Variants in SIPA1L2 observed in about 807,000 individuals in gnomAD.
SIPA1L2 encodes signal induced proliferation associated 1 like 2, also known as signal-induced proliferation-associated 1-like protein 2.
A neutral mutation model predicts 163.9 loss-of-function variants in SIPA1L2; 56 were observed. The observed-to-expected ratio is 0.34, with a 90% CI of 0.28 to 0.43. SIPA1L2 has a LOEUF of 0.43. Ranked by LOEUF, SIPA1L2 falls within the 20% of genes least tolerant of loss-of-function variation. The probability of loss-of-function intolerance (pLI) is 1.00; values close to 1 mark genes in which losing one functional copy is unlikely to be tolerated. For missense variants in SIPA1L2, 1,974 were observed against 2,193.5 expected (o/e 0.90, Z 2.00); for synonymous variants, 877 against 865.7 (o/e 1.01, Z -0.23).
intron 2 of SIPA1L2, among the ~76,000 whole-genome samples, chr1:232,535,144 A>G: frequency 6.6e-6 from 1 of 152,220 alleles, no homozygotes; most frequent in East Asian, 1.9e-4. Context: ...TAGTCCAAAG[A>G]AAGATAAAAG....
chr1:232,457,743 T>C (rs1434994802), intron 10 of SIPA1L2, among the ~76,000 whole-genome samples: 2 of 152,182 alleles, frequency 1.3e-5, no homozygotes, highest in African/African-American at 2.4e-5. Context: ...CTACAGTTTC[T>C]TAACAAATCT....
In SIPA1L2 at chr1:232,517,438, C is replaced by A. The variant is rs555287256; in HGVS notation, c.-269-1830G>T. The stretch of plus-strand genomic sequence containing the variant: ...ACCGGCATCTCCTCACACTTGTAAC[C>A]TATTCACCACGCTCCACAGGGAAGC... On this transcript the variant is annotated intron_variant, in intron 2 of 22. Transcript: ENST00000674635. 2.0e-5 allele frequency among the ~76,000 whole-genome samples: 3 copies of A among 152,288 alleles called. No individual in the cohort carries two copies. The South Asian group carries it at 6.2e-4, about 32-fold the overall frequency.
intron 9 of SIPA1L2, among the ~76,000 whole-genome samples, chr1:232,463,006 T>C (rs1246457881): frequency 6.6e-6 from 1 of 152,190 alleles, no homozygotes; most frequent in African/African-American, 2.4e-5. Flanking sequence ...ACGAAAATTG[T>C]AGTCTCCAAG....
chr1:232,458,127 G>C (rs1347000100), intron 10 of SIPA1L2, among the ~76,000 whole-genome samples: 1 of 151,966 alleles, frequency 6.6e-6, no homozygotes, highest in East Asian at 1.9e-4. Flanking sequence ...TAATCCTTCT[G>C]GCTAAGGTTA....
chr1:232,480,155 G>A (rs1032011031), intron 6 of SIPA1L2, among the ~76,000 whole-genome samples: 1 of 31,066 alleles, frequency 3.2e-5, no homozygotes, highest in Non-Finnish European at 6.8e-5. Flanking sequence ...GTGTGTGTGC[G>A]TGTGTGTGTG....
chr1:232,430,735 C>A (rs148101749), intron 16 of SIPA1L2, among the ~76,000 whole-genome samples: 1 of 152,164 alleles, frequency 6.6e-6, no homozygotes, highest in East Asian at 1.9e-4. Context: ...CGGCCTCTTG[C>A]GATAACCAGT....
At chr1:232,505,809 G>A (rs10910546) in intron 3 of SIPA1L2, among the ~76,000 whole-genome samples, 53,485 of 152,050 alleles carry the variant, frequency 0.35, 10,077 homozygotes, top group Non-Finnish European at 0.42. Context: ...GAAGAACTCA[G>A]CCGATTATGT....
chr1:232,444,431 T>G (rs1204955338), intron 11 of SIPA1L2, among the ~76,000 whole-genome samples: 1 of 152,176 alleles, frequency 6.6e-6, no homozygotes, highest in Non-Finnish European at 1.5e-5. Flanking sequence ...TCTTTGAATA[T>G]GGGAAAGTTA....
rs776294200 is a variant in SIPA1L2, at chr1:232,471,539, G to A, written c.2086-11C>T. 1.3e-6 allele frequency: 2 copies of A among 1,592,638 alleles called. No homozygotes were observed. Among genetic ancestry groups the A allele is most frequent in the Non-Finnish European group, 1.7e-6 (2 of 1,172,424 alleles). On this transcript the variant is annotated splice_polypyrimidine_tract_variant and intron_variant, in intron 7 of 22. Transcript: ENST00000674635. ...CCTTTTCCTCAGTAGCTGTGGTCAA[G>A]AAAGTGAAGAGTTACAAATAAGTTT...
rs987455494 is a variant in SIPA1L2 at position 232,483,943 on chromosome 1, C to A, written c.1830G>T (p.Gly610=). 6.2e-7 allele frequency: 1 copy of A among 1,611,874 alleles called. No homozygotes were observed. The highest frequency in any genetic ancestry group is 1.3e-5 in the African/African-American group (1 of 74,806). The change falls in exon 6 of 23, where the codon GGG becomes GGT. Residue 610 remains glycine (G), a synonymous_variant. Coordinates refer to ENST00000674635, the MANE Select transcript of SIPA1L2 (RefSeq NM_020808.5). ...EQGLSFQHKI[G]ILYCKAGQST... is the part of the protein sequence containing the mutation. ...TCTGGCCTGCTTTGCAATAAAGGAT[C>A]CCGATCTTGTGCTGAAAGCTCAGCT... is the stretch of plus-strand genomic sequence containing the variant.
intron 4 of SIPA1L2, among the ~76,000 whole-genome samples, 178 bp downstream of exon 4, chr1:232,493,349 T>C (rs1219313883): frequency 6.6e-6 from 1 of 152,208 alleles, no homozygotes; most frequent in African/African-American, 2.4e-5. Context: ...CCATGGCATG[T>C]TTCCAAATTT....
intron 10 of SIPA1L2, among the ~76,000 whole-genome samples, chr1:232,454,650 T>C (rs1663790083): frequency 6.6e-6 from 1 of 152,164 alleles, no homozygotes; most frequent in Admixed American, 6.5e-5. Flanking sequence ...CTGTCAAGCA[T>C]GAGATGGTTA....
At chr1:232,452,629 T>C (rs994238865) in intron 10 of SIPA1L2, among the ~76,000 whole-genome samples, 3 of 152,194 alleles carry the variant, frequency 2.0e-5, no homozygotes, top group African/African-American at 4.8e-5. Flanking sequence ...ATGGACTTGG[T>C]TCTAAATCAT....
At chr1:232,426,843 C>G (rs556215554) in intron 17 of SIPA1L2, among the ~76,000 whole-genome samples, 3 of 152,286 alleles carry the variant, frequency 2.0e-5, no homozygotes, top group Non-Finnish European at 4.4e-5. Context: ...TAAATCAAAT[C>G]TGAATTTTCA....
chr1:232,401,241 G>A (rs113691311), intron 22 of SIPA1L2, among the ~76,000 whole-genome samples: 7 of 152,256 alleles, frequency 4.6e-5, no homozygotes, highest in South Asian at 2.1e-4. Flanking sequence ...GGACTTTGCC[G>A]GTTCTAATAT....
intron 14 of SIPA1L2, among the ~76,000 whole-genome samples, chr1:232,440,668 T>C (rs1048835958): frequency 3.3e-5 from 5 of 152,218 alleles, no homozygotes; most frequent in Non-Finnish European, 5.9e-5. Flanking sequence ...CTGAACATTT[T>C]CAAAAATAAG....
At chr1:232,461,791 G>A (rs60293328) in intron 9 of SIPA1L2, among the ~76,000 whole-genome samples, 3 of 152,194 alleles carry the variant, frequency 2.0e-5, no homozygotes, top group African/African-American at 7.2e-5. Flanking sequence ...CTACGCACCA[G>A]CCCTAGGGAC....
Position 232,489,459 on chromosome 1 carries a change from G to A in SIPA1L2, c.1806+1415C>T, listed in dbSNP as rs180760397. Reference sequence around the variant, plus strand: ...ATGGTAAACCTATTCTGTGTATTACGCAATTTAAAAGTCACCTGCTCAAGT... The same window carrying A: ...ATGGTAAACCTATTCTGTGTATTACACAATTTAAAAGTCACCTGCTCAAGT... On this transcript the variant is annotated intron_variant, in intron 5 of 22. Coordinates refer to ENST00000674635, the MANE Select transcript of SIPA1L2 (RefSeq NM_020808.5). 7.5e-4 allele frequency among the ~76,000 whole-genome samples: 112 copies of A among 149,202 alleles called. 2 individuals are homozygous for A. The highest frequency in any genetic ancestry group is 2.1e-4 in the South Asian group (1 of 4,716).
intron 12 of SIPA1L2, among the ~76,000 whole-genome samples, chr1:232,442,814 A>C (rs990297619): frequency 6.6e-6 from 1 of 152,260 alleles, no homozygotes; most frequent in Non-Finnish European, 1.5e-5. Context: ...TTTAATTTAG[A>C]AAGTTGCTTG....
Sources: allele counts gnomAD v4.1 joint callset (sites outside exome capture counted in the v4.1 genomes callset), GRCh38; gene constraint gnomAD v4.1.1; transcripts MANE v1.5; gene names NCBI Gene and HGNC (gene_info 2026-07-23, HGNC 2026-07-21).